Variants in AKAP13 observed in about 807,000 individuals in gnomAD.
The protein encoded by AKAP13 is A-kinase anchoring protein 13.
AKAP13 carries 80 observed loss-of-function variants against 264.5 expected under a neutral mutation model. The observed-to-expected ratio is 0.30, with a 90% CI of 0.25 to 0.36. AKAP13 has a LOEUF of 0.36. AKAP13 is among the 10% of genes least tolerant of loss of function. The pLI, the probability that AKAP13 is intolerant of heterozygous loss-of-function variation, is 1.00. For missense variants in AKAP13, 3,712 were observed against 3,435.2 expected (o/e 1.08, Z -2.01); for synonymous variants, 1,380 against 1,250.2 (o/e 1.10, Z -2.19).
chr15:85,649,952 A>T (rs899376639), intron 10 of AKAP13, among the ~76,000 whole-genome samples: 1 of 152,120 alleles, frequency 6.6e-6, no homozygotes, highest in African/African-American at 2.4e-5. Flanking sequence ...AGGTCCTTCC[A>T]TGTTATTTTT....
intron 2 of AKAP13, among the ~76,000 whole-genome samples, chr15:85,500,887 T>C (rs1345223398): frequency 6.6e-6 from 1 of 152,202 alleles, no homozygotes; most frequent in African/African-American, 2.4e-5. Flanking sequence ...CCATGTGATA[T>C]ACAGAGCATC....
At chr15:85,699,417 G>C (rs943944956) in intron 17 of AKAP13, among the ~76,000 whole-genome samples, 1 of 151,364 alleles carries the variant, frequency 6.6e-6, no homozygotes, top group Non-Finnish European at 1.5e-5. Context: ...GCACTTTAGC[G>C]TGCGCAACAA....
intron 1 of AKAP13, among the ~76,000 whole-genome samples, chr15:85,443,657 C>T (rs1334987278): frequency 1.3e-5 from 2 of 151,694 alleles, no homozygotes; most frequent in South Asian, 2.1e-4. Context: ...CTTATGTGAC[C>T]GACTGCTGTC....
At position 85,719,326 on chromosome 15, in the gene AKAP13, G is replaced by A. The variant is rs764389042; in HGVS notation, c.6252G>A (p.Gln2084=). 1.9e-6 allele frequency: 3 copies of A among 1,614,038 alleles called. No individual in the cohort carries two copies. Among genetic ancestry groups the A allele is most frequent in the Non-Finnish European group, 2.5e-6 (3 of 1,179,966 alleles). The change falls in exon 23 of 37, where the codon CAG becomes CAA. Residue 2084 remains glutamine, a splice_region_variant and synonymous_variant. Transcript: ENST00000394518. ...GGATAGGGGATGTGCTTGTAAATCA[G>A]GTGAGAATGGGAAGGATCTCAGGTT... ...IKRIGDVLVN[Q]FSGENAERLK...
intron 1 of AKAP13, among the ~76,000 whole-genome samples, chr15:85,411,779 G>T (rs2071983350): frequency 6.6e-6 from 1 of 152,176 alleles, no homozygotes; most frequent in African/African-American, 2.4e-5. Context: ...TTATTTGAAG[G>T]GAGGACTTTG....
At chr15:85,720,047 C>T (rs76223151) in intron 23 of AKAP13, among the ~76,000 whole-genome samples, 1,585 of 152,124 alleles carry the variant, frequency 0.01, 29 homozygotes, top group African/African-American at 0.034. Flanking sequence ...AGCCTGGCAA[C>T]GTACCAAGAG....
intron 2 of AKAP13, among the ~76,000 whole-genome samples, chr15:85,498,320 A>T (rs2075946560): frequency 6.6e-6 from 1 of 151,874 alleles, no homozygotes. Context: ...ATGTAAAGTT[A>T]CATTGTGTGG....
chr15:85,698,674 TG>T (rs1248149442), intron 17 of AKAP13, among the ~76,000 whole-genome samples: 10 of 151,820 alleles, frequency 6.6e-5, no homozygotes, highest in Admixed American at 2.6e-4. Context: ...CCTGGCACGG[TG>T]GCTCATGCCT....
At chr15:85,440,384 T>G (rs1750135558) in intron 1 of AKAP13, among the ~76,000 whole-genome samples, 1 of 152,250 alleles carries the variant, frequency 6.6e-6, no homozygotes, top group African/African-American at 2.4e-5. Context: ...TATTCATGTG[T>G]TCTGAAATGC....
chr15:85,500,198 G>A (rs575455863), intron 2 of AKAP13, among the ~76,000 whole-genome samples: 1 of 152,244 alleles, frequency 6.6e-6, no homozygotes, highest in South Asian at 2.1e-4. Context: ...TTTGGGTAGA[G>A]CCTCTAAGAG....
At position 85,580,852 on chromosome 15, in the gene AKAP13, G is replaced by T. The variant is rs776295971; in HGVS notation, c.2784G>T (p.Lys928Asn). 10 of 1,614,042 alleles carry T rather than the reference G, an allele frequency of 6.2e-6. No individual in the cohort carries two copies. Among genetic ancestry groups the T allele is most frequent in the Admixed American group, 1.7e-5 (1 of 60,010 alleles). Residue 928 changes from lysine (K) to asparagine (N), a missense_variant, in exon 7 of 37, where the codon AAG (lysine) becomes AAT (asparagine). Around this residue, in one of 3 missense-constraint regions of AKAP13, gnomAD observed 2,759 missense variants for 2,411.7 expected, o/e 1.14. Coordinates refer to ENST00000394518, the MANE Select transcript of AKAP13 (RefSeq NM_007200.5). ...SESSAAQEQD[K>N]DKAVTCSSIK... is the part of the protein sequence containing the mutation. ...GCTCTGCAGCTCAGGAACAAGATAA[G>T]GATAAAGCGGTGACCTGTTCCTCTA...
intron 8 of AKAP13, among the ~76,000 whole-genome samples, chr15:85,618,121 T>A (rs1166368931): frequency 6.6e-6 from 1 of 152,210 alleles, no homozygotes; most frequent in East Asian, 1.9e-4. Context: ...ATAAAGCCTG[T>A]ATGTAGCTGG....
intron 2 of AKAP13, among the ~76,000 whole-genome samples, chr15:85,504,516 A>C (rs1596355026): frequency 9.1e-5 from 7 of 76,660 alleles, no homozygotes; most frequent in Admixed American, 2.5e-4. Context: ...AAAAAAAAAA[A>C]AAAAAAAAAA....
At chr15:85,420,910 C>T (rs2072491603) in intron 1 of AKAP13, among the ~76,000 whole-genome samples, 2 of 151,948 alleles carry the variant, frequency 1.3e-5, no homozygotes, top group Admixed American at 6.6e-5. Context: ...ATGGCAAGAC[C>T]GTGTCTCTCT....
intron 5 of AKAP13, among the ~76,000 whole-genome samples, chr15:85,559,640 A>G (rs1236094987): frequency 6.6e-6 from 1 of 150,738 alleles, no homozygotes; most frequent in African/African-American, 2.4e-5. Flanking sequence ...TAAGGAGCCT[A>G]GATCCCTCAC....
chr15:85,625,382 A>C (rs1200634602), intron 8 of AKAP13, among the ~76,000 whole-genome samples: 1 of 152,168 alleles, frequency 6.6e-6, no homozygotes, highest in Non-Finnish European at 1.5e-5. Context: ...TGATGATCAG[A>C]ATCTTTTGCC....
intron 1 of AKAP13, among the ~76,000 whole-genome samples, chr15:85,406,264 T>C (rs1349922047): frequency 6.6e-6 from 1 of 152,228 alleles, no homozygotes; most frequent in Non-Finnish European, 1.5e-5. Context: ...TGCCTGTAAG[T>C]GTGCTTTACC....
chr15:85,658,739 A>G (rs1017203679), intron 12 of AKAP13, 149 bp downstream of exon 12: 9 of 480,018 alleles, frequency 1.9e-5, no homozygotes, highest in African/African-American at 1.6e-4. Context: ...GTACTTATTA[A>G]TTGCTAGTGT....
In AKAP13 at chr15:85,551,429, A is replaced by G. The variant is rs17768813; in HGVS notation, c.662+7474A>G. Among the ~76,000 whole-genome samples the G allele has an allele frequency of 2.0e-4, 31 of 152,326 alleles. No individual in the cohort carries two copies. The East Asian group carries it at 5.4e-3, about 27-fold the overall frequency. ...TTATCTCCATTGCACAAGGAAATGTAATAGCCATAGCTGGTAAGTGATGGA... is the reference window on the plus strand; with the variant it reads ...TTATCTCCATTGCACAAGGAAATGTGATAGCCATAGCTGGTAAGTGATGGA... On this transcript the variant is annotated intron_variant, in intron 5 of 36. Coordinates refer to ENST00000394518, the MANE Select transcript of AKAP13 (RefSeq NM_007200.5).
Sources: allele counts gnomAD v4.1 joint callset (sites outside exome capture counted in the v4.1 genomes callset), GRCh38; gene constraint gnomAD v4.1.1; regional missense constraint gnomAD v4.1.1; transcripts MANE v1.5; gene names NCBI Gene and HGNC (gene_info 2026-07-23, HGNC 2026-07-21).